RAP1GAP2: variants seen among roughly 807,000 people sequenced by gnomAD.
The protein encoded by RAP1GAP2 is rap1 GTPase-activating protein 2.
RAP1GAP2 carries 27 observed loss-of-function variants against 95.0 expected under a neutral mutation model. The ratio of observed to expected loss-of-function variants is 0.28; its 90% CI spans 0.21 to 0.39. The LOEUF is 0.39. RAP1GAP2 is among the 10% of genes least tolerant of loss of function. The pLI, the probability that RAP1GAP2 is intolerant of heterozygous loss-of-function variation, is 1.00. For synonymous variants in RAP1GAP2, 373 were observed against 380.9 expected, an observed-to-expected ratio of 0.98 and a Z score of 0.24; for missense variants, 771 against 970.0, an observed-to-expected ratio of 0.79 and a Z score of 2.72.
intron 2 of RAP1GAP2, among the ~76,000 whole-genome samples, chr17:2,819,684 T>A (rs1162721567): frequency 6.6e-6 from 1 of 151,600 alleles, no homozygotes; most frequent in Admixed American, 6.6e-5. Context: ...GCCAGGCTGG[T>A]CTTGAACTCC....
chr17:2,976,289 G>A (rs1213799376), intron 8 of RAP1GAP2, among the ~76,000 whole-genome samples: 1 of 152,110 alleles, frequency 6.6e-6, no homozygotes, highest in Admixed American at 6.6e-5. Flanking sequence ...ATTTTTTCAA[G>A]CTCACATGGA....
intron 22 of RAP1GAP2, 30 bp from the exon 23 acceptor site, chr17:3,030,892 C>T: frequency 6.4e-7 from 1 of 1,558,546 alleles, no homozygotes; most frequent in South Asian, 1.1e-5. Flanking sequence ...CACAGCTCCA[C>T]CCTCCTTTCA....
chr17:2,922,911 T>G (rs2042835788), intron 3 of RAP1GAP2, among the ~76,000 whole-genome samples: 1 of 150,804 alleles, frequency 6.6e-6, no homozygotes, highest in Admixed American at 6.7e-5. Flanking sequence ...TGCACTACCT[T>G]GGCTTGTGGC....
At chr17:2,954,128 G>A (rs554466357) in intron 3 of RAP1GAP2, among the ~76,000 whole-genome samples, 1 of 152,036 alleles carries the variant, frequency 6.6e-6, no homozygotes, top group African/African-American at 2.4e-5. Flanking sequence ...TTTTTGAGAT[G>A]GAGTCTCACT....
chr17:2,908,635 A>G (rs1340681777), intron 3 of RAP1GAP2, among the ~76,000 whole-genome samples: 4 of 152,174 alleles, frequency 2.6e-5, no homozygotes, highest in African/African-American at 9.7e-5. Context: ...GTTTGTAGCC[A>G]GTAGATACAT....
chr17:2,943,158 G>A (rs978832852), intron 3 of RAP1GAP2, among the ~76,000 whole-genome samples: 9 of 151,192 alleles, frequency 6.0e-5, no homozygotes, highest in African/African-American at 1.5e-4. Context: ...TGACAATCAC[G>A]AATCTGTTTT....
intron 11 of RAP1GAP2, among the ~76,000 whole-genome samples, chr17:2,988,062 T>C (rs1487887349): frequency 6.6e-6 from 1 of 152,156 alleles, no homozygotes; most frequent in East Asian, 1.9e-4. Flanking sequence ...TTTACAAAAT[T>C]AGCCAGGAGT....
In RAP1GAP2 at chr17:2,843,100, A is replaced by G. The variant is rs968662167; in HGVS notation, c.80+42550A>G. 5.3e-5 allele frequency among the ~76,000 whole-genome samples: 8 copies of G among 152,212 alleles called. No homozygotes were observed. In the East Asian group the frequency reaches 1.5e-3, roughly 29 times the overall value. ...GGCAAATAGACAAGAAAACAAGCAC[A>G]CAGACAAATCAGCAACAACAAAAAA... On this transcript the variant is annotated intron_variant, in intron 2 of 24. Transcript: ENST00000254695.
At position 3,005,281 on chromosome 17, in the gene RAP1GAP2, G is replaced by A. The variant is rs1161195768; in HGVS notation, c.1201-88G>A. The A allele has an allele frequency of 4.8e-6, 6 of 1,262,128 alleles. No homozygotes were observed. The highest frequency in any genetic ancestry group is 2.3e-5 in the East Asian group (1 of 43,180). The allele number at this position is 1,262,128 out of a possible 1,614,324, so 78.2% of individuals were successfully genotyped here. A position where few individuals can be genotyped will look rare whatever the true frequency, so the allele number is the denominator to read the frequency against. ...TTCTGGGAAGAGGAGGAGGGAGAAG[G>A]TGAGTAGCTTTGTAAGGAGCGTGGC... On this transcript the variant is annotated intron_variant, in intron 14 of 24. Transcript: ENST00000254695. The surrounding 1 kb of genome is among the most constrained non-coding windows in gnomAD (Gnocchi z 5.2).
intron 1 of RAP1GAP2, among the ~76,000 whole-genome samples, chr17:2,784,034 G>A (rs770199646): frequency 2.6e-5 from 4 of 152,078 alleles, no homozygotes; most frequent in Non-Finnish European, 4.4e-5. Flanking sequence ...ATGCAGTGGC[G>A]CAATCTCGGC....
intron 3 of RAP1GAP2, among the ~76,000 whole-genome samples, chr17:2,912,292 G>T (rs1414165863): frequency 1.3e-5 from 2 of 151,916 alleles, no homozygotes; most frequent in South Asian, 4.1e-4. Context: ...TCTCCCTGGG[G>T]TTGGGGGGTG....
At position 2,867,935 on chromosome 17, in the gene RAP1GAP2, A is replaced by AAGGAAGCC. The variant is rs1407624076; in HGVS notation, c.81-37349_81-37348insAGGAAGCC. On this transcript the variant is annotated intron_variant, in intron 2 of 24. Transcript: ENST00000254695. This position sits in a 1 kb window ranked among gnomAD's most constrained non-coding sequence, Gnocchi z 4.5. Reference sequence around the variant, plus strand: ...CTTCTTCACGGATGCAGCTCGCGGGATCCCCAAGCCTTTGGTAGTAAACAC... The same window carrying AAGGAAGCC: ...CTTCTTCACGGATGCAGCTCGCGGGAAGGAAGCCTCCCCAAGCCTTTGGTAGTAAACAC... 6.6e-6 allele frequency among the ~76,000 whole-genome samples: 1 copy of AAGGAAGCC among 152,026 alleles called. No individual in the cohort carries two copies. The highest frequency in any genetic ancestry group is 6.6e-5 in the Admixed American group (1 of 15,252).
At chr17:3,013,445 A>C (rs1197308835) in intron 17 of RAP1GAP2, among the ~76,000 whole-genome samples, 1 of 152,060 alleles carries the variant, frequency 6.6e-6, no homozygotes, top group East Asian at 1.9e-4. Flanking sequence ...CTCTTGGAGC[A>C]GAGTTGGCAT....
At chr17:2,979,846 TG>T (rs2045285572) in intron 8 of RAP1GAP2, among the ~76,000 whole-genome samples, 1 of 152,132 alleles carries the variant, frequency 6.6e-6, no homozygotes, top group South Asian at 2.1e-4. Flanking sequence ...GATGTGTGGT[TG>T]GGCCACCTGA....
intron 23 of RAP1GAP2, 69 bp from the exon 24 acceptor site, chr17:3,032,342 A>C: frequency 1.3e-6 from 2 of 1,594,620 alleles, no homozygotes; most frequent in Non-Finnish European, 1.7e-6. Context: ...CTGAGTGCAC[A>C]GAGCCGCCGT....
chr17:2,964,168 G>T, intron 7 of RAP1GAP2, 100 bp downstream of exon 7: 1 of 1,017,576 alleles, frequency 9.8e-7, no homozygotes, highest in South Asian at 1.6e-5. Context: ...AGAGGTTGAG[G>T]GAGGCTGTGG....
intron 2 of RAP1GAP2, among the ~76,000 whole-genome samples, chr17:2,847,462 G>A (rs1030365010): frequency 2.0e-5 from 3 of 152,192 alleles, no homozygotes; most frequent in Admixed American, 6.5e-5. Flanking sequence ...GTTGTAATTC[G>A]TCATCTCCCA....
At chr17:2,822,183 G>GCA (rs138452950) in intron 2 of RAP1GAP2, among the ~76,000 whole-genome samples, 7 of 151,378 alleles carry the variant, frequency 4.6e-5, no homozygotes, top group Admixed American at 1.3e-4. Context: ...TTGCATTCAC[G>GCA]CACACACACA....
At chr17:2,760,065 A>G (rs1012154564) in intron 1 of RAP1GAP2, among the ~76,000 whole-genome samples, 1 of 151,876 alleles carries the variant, frequency 6.6e-6, no homozygotes, top group African/African-American at 2.4e-5. Flanking sequence ...ATCTTGGCCA[A>G]TCTCACTGAT....
Sources: allele counts gnomAD v4.1 joint callset (sites outside exome capture counted in the v4.1 genomes callset), GRCh38; gene constraint gnomAD v4.1.1; non-coding constraint Gnocchi (gnomAD v3.1); transcripts MANE v1.5; gene names NCBI Gene and HGNC (gene_info 2026-07-23, HGNC 2026-07-21).